Variants in ZNF787 observed in about 807,000 individuals in gnomAD.
The protein encoded by ZNF787 is zinc finger protein 787.
In ZNF787, 7 loss-of-function variants were observed where a neutral mutation model predicts 16.9. The ratio of observed to expected loss-of-function variants is 0.42; its 90% CI spans 0.24 to 0.78. ZNF787 has a LOEUF of 0.78. ZNF787 is among the 30% of genes least tolerant of loss of function. ZNF787 has a pLI of 0.30. For synonymous variants in ZNF787, 345 were observed against 270.9 expected, an observed-to-expected ratio of 1.27 and a Z score of -2.69; for missense variants, 551 against 589.3, an observed-to-expected ratio of 0.94 and a Z score of 0.67.
At chr19:56,099,606 G>A (rs1383705707) in intron 2 of ZNF787, among the ~76,000 whole-genome samples, 1 of 151,506 alleles carries the variant, frequency 6.6e-6, no homozygotes, top group Non-Finnish European at 1.5e-5. Flanking sequence ...AGCTATTTGG[G>A]AGGCTGAGGC....
intron 2 of ZNF787, among the ~76,000 whole-genome samples, chr19:56,099,935 C>A (rs146809595): frequency 1.1e-4 from 17 of 152,212 alleles, no homozygotes; most frequent in African/African-American, 3.9e-4. Context: ...GAGCACGGCG[C>A]CGGGATCTCG....
intron 2 of ZNF787, among the ~76,000 whole-genome samples, chr19:56,101,061 G>A (rs562471221): frequency 3.0e-5 from 4 of 134,428 alleles, no homozygotes; most frequent in African/African-American, 5.7e-5. Flanking sequence ...AGGGACGCAC[G>A]TAAGTGGGAC....
At chr19:56,096,712 C>G (rs1309091887) in intron 2 of ZNF787, among the ~76,000 whole-genome samples, 2 of 151,960 alleles carry the variant, frequency 1.3e-5, no homozygotes, top group Admixed American at 6.6e-5. Flanking sequence ...GACTCCGTCT[C>G]AGAAAATAAA....
chr19:56,111,846 C>T (rs903910541), intron 1 of ZNF787, among the ~76,000 whole-genome samples: 4 of 152,154 alleles, frequency 2.6e-5, no homozygotes, highest in South Asian at 2.1e-4. Flanking sequence ...CTCTGCCACC[C>T]GCGGAAATGG....
chr19:56,099,395 A>T (rs1480968558), intron 2 of ZNF787, among the ~76,000 whole-genome samples: 1 of 152,212 alleles, frequency 6.6e-6, no homozygotes, highest in Non-Finnish European at 1.5e-5. Flanking sequence ...TTCATGGAGC[A>T]GAGAGCTGGC....
intron 1 of ZNF787, among the ~76,000 whole-genome samples, chr19:56,106,760 C>A: frequency 7.4e-6 from 1 of 134,296 alleles, no homozygotes; most frequent in African/African-American, 3.0e-5. Context: ...CATTCCAGGC[C>A]GGGGTCTGCA....
intron 1 of ZNF787, among the ~76,000 whole-genome samples, chr19:56,109,198 T>C (rs967385522): frequency 6.6e-6 from 1 of 152,096 alleles, no homozygotes; most frequent in African/African-American, 2.4e-5. Context: ...CCTAAAGGGG[T>C]GTCTTGGACA....
At chr19:56,120,793 G>A (rs940769235) in intron 1 of ZNF787, among the ~76,000 whole-genome samples, 2 of 150,914 alleles carry the variant, frequency 1.3e-5, no homozygotes, top group African/African-American at 4.9e-5. Context: ...ACTTCGGGGG[G>A]ACGGACAGCG....
At chr19:56,119,202 T>C (rs765168572) in intron 1 of ZNF787, among the ~76,000 whole-genome samples, 1 of 152,216 alleles carries the variant, frequency 6.6e-6, no homozygotes, top group African/African-American at 2.4e-5. Flanking sequence ...GCACCTCATC[T>C]GGGCCCTCAC....
intron 1 of ZNF787, among the ~76,000 whole-genome samples, chr19:56,119,954 T>C (rs2030239682): frequency 6.9e-6 from 1 of 144,024 alleles, no homozygotes. Context: ...CTGCGCAACA[T>C]GGGACCTGGG....
chr19:56,103,532 C>A, intron 1 of ZNF787: 1 of 379,666 alleles, frequency 2.6e-6, no homozygotes, highest in Admixed American at 4.4e-5. Flanking sequence ...GCAAGCAACC[C>A]CACCTCGCGC....
Position 56,088,914 on chromosome 19 carries a change from G to A in ZNF787, c.258C>T (p.Arg86=), listed in dbSNP as rs1207864055. The A allele has an allele frequency of 1.3e-6, 2 of 1,596,614 alleles. No homozygotes were observed. Among genetic ancestry groups the A allele is most frequent in the African/African-American group, 2.7e-5 (2 of 73,878 alleles). Residue 86 remains arginine, a synonymous_variant, in exon 3 of 3, where the codon CGC becomes CGT. Transcript: ENST00000610935. This position sits in a 1 kb window ranked among gnomAD's most constrained non-coding sequence, Gnocchi z 8.6. ...SHWSKLTRHQ[R]THTGERPNAC... is the part of the protein sequence containing the mutation. ...CGTTGGGCCGCTCGCCGGTGTGCGTGCGCTGGTGCCGCGTCAGCTTGGACC... is the reference window on the plus strand; with the variant it reads ...CGTTGGGCCGCTCGCCGGTGTGCGTACGCTGGTGCCGCGTCAGCTTGGACC...
intron 2 of ZNF787, among the ~76,000 whole-genome samples, chr19:56,099,503 G>T (rs1318326374): frequency 6.6e-6 from 1 of 152,100 alleles, no homozygotes; most frequent in Non-Finnish European, 1.5e-5. Flanking sequence ...CTGAGGTCAG[G>T]AGTTCAAGAC....
intron 2 of ZNF787, among the ~76,000 whole-genome samples, chr19:56,097,826 G>A (rs919965674): frequency 1.3e-5 from 2 of 152,152 alleles, no homozygotes; most frequent in Non-Finnish European, 2.9e-5. Context: ...GCTGTGCCAC[G>A]TCTCTCAGGG....
chr19:56,119,746 C>G (rs2030232712), intron 1 of ZNF787, among the ~76,000 whole-genome samples: 1 of 152,202 alleles, frequency 6.6e-6, no homozygotes, highest in Non-Finnish European at 1.5e-5. Flanking sequence ...ATGAGATAAG[C>G]AAGCAGGAAT....
intron 1 of ZNF787, among the ~76,000 whole-genome samples, chr19:56,106,832 C>G (rs969784228): frequency 6.6e-6 from 1 of 152,278 alleles, no homozygotes; most frequent in Non-Finnish European, 1.5e-5. Context: ...TGCAGACCAG[C>G]ACGCGGAACA....
intron 2 of ZNF787, among the ~76,000 whole-genome samples, chr19:56,093,728 T>C (rs1985752747): frequency 6.6e-6 from 1 of 152,198 alleles, no homozygotes; most frequent in Non-Finnish European, 1.5e-5. Context: ...AATGCCATTT[T>C]CTCCTGGCAT....
intron 2 of ZNF787, among the ~76,000 whole-genome samples, chr19:56,094,187 C>CTTTT (rs572443571): frequency 1.1e-4 from 12 of 105,462 alleles, no homozygotes; most frequent in Admixed American, 5.0e-4. Flanking sequence ...TCATGCCCGG[C>CTTTT]TTTTTTTTTT....
intron 1 of ZNF787, 56 bp from the exon 2 acceptor site, chr19:56,103,283 G>A (rs473045): frequency 0.094 from 137,606 of 1,462,444 alleles, 7,910 homozygotes; most frequent in African/African-American, 0.27. Context: ...AGGCTGCACC[G>A]AGGGCCCTGC....
Sources: allele counts gnomAD v4.1 joint callset (sites outside exome capture counted in the v4.1 genomes callset), GRCh38; gene constraint gnomAD v4.1.1; non-coding constraint Gnocchi (gnomAD v3.1); transcripts MANE v1.5; gene names NCBI Gene and HGNC (gene_info 2026-07-23, HGNC 2026-07-21).